The following ANGPT1 variants were observed in gnomAD, a reference collection of about 807,000 sequenced individuals.
ANGPT1 encodes the protein angiopoietin-1.
A neutral mutation model predicts 62.2 loss-of-function variants in ANGPT1; 17 were observed. The observed-to-expected ratio is 0.27, with a 90% CI of 0.19 to 0.41. The LOEUF is 0.41. Ranked by LOEUF, ANGPT1 falls within the 10% of genes least tolerant of loss-of-function variation. The pLI is 1.00. For missense variants in ANGPT1, 478 were observed against 594.9 expected, an observed-to-expected ratio of 0.80 and a Z score of 2.04; for synonymous variants, 199 against 198.9, an observed-to-expected ratio of 1.00 and a Z score of 0.00.
chr8:107,369,413 G>A lies in ANGPT1; in HGVS notation c.298-22316C>T, dbSNP rs144767316. 7.2e-5 allele frequency among the ~76,000 whole-genome samples: 11 copies of A among 152,220 alleles called. No individual in the cohort carries two copies. The East Asian group carries it at 1.7e-3, about 24-fold the overall frequency. The stretch of plus-strand genomic sequence containing the variant: ...AACTACTAAAACTTTCTTCATATTA[G>A]TAATAAGCCTATTTTGTTTTCTTAA... On this transcript the variant is annotated intron_variant, in intron 1 of 8. Coordinates refer to ENST00000517746, the MANE Select transcript of ANGPT1 (RefSeq NM_001146.5).
intron 1 of ANGPT1, among the ~76,000 whole-genome samples, chr8:107,471,256 G>A (rs186082320): frequency 2.0e-5 from 3 of 152,238 alleles, no homozygotes; most frequent in East Asian, 1.9e-4. Flanking sequence ...GGACATGGAT[G>A]AAGCTGGAAA....
At chr8:107,411,122 C>A (rs1443802617) in intron 1 of ANGPT1, among the ~76,000 whole-genome samples, 1 of 152,038 alleles carries the variant, frequency 6.6e-6, no homozygotes, top group African/African-American at 2.4e-5. Flanking sequence ...TAAGAAAATT[C>A]ACATAATTCT....
chr8:107,364,771 A>G (rs1816237900), intron 1 of ANGPT1, among the ~76,000 whole-genome samples: 1 of 152,242 alleles, frequency 6.6e-6, no homozygotes, highest in South Asian at 2.1e-4. Flanking sequence ...AAAACTTCAA[A>G]GGGAATTTTC....
chr8:107,381,956 A>G (rs1816646129), intron 1 of ANGPT1, among the ~76,000 whole-genome samples: 1 of 152,144 alleles, frequency 6.6e-6, no homozygotes, highest in Admixed American at 6.5e-5. Context: ...AACATTTTGT[A>G]AGACATAGAG....
rs1437482848 is a variant in ANGPT1 at position 107,303,528 on chromosome 8, T to C, written c.809-161A>G. Among the ~76,000 whole-genome samples, 5 of 151,050 alleles carry C rather than the reference T, an allele frequency of 3.3e-5. No homozygotes were observed. The East Asian group carries it at 9.7e-4, about 29-fold the overall frequency. ...ATAAAGACAATACTAGATTTTGAGG[T>C]AGCTTACAAAATTAAAAAAAAAAAA... On this transcript the variant is annotated intron_variant, in intron 4 of 8. Coordinates refer to ENST00000517746, the MANE Select transcript of ANGPT1 (RefSeq NM_001146.5).
At chr8:107,418,872 G>A (rs752962404) in intron 1 of ANGPT1, among the ~76,000 whole-genome samples, 1 of 152,136 alleles carries the variant, frequency 6.6e-6, no homozygotes, top group Non-Finnish European at 1.5e-5. Flanking sequence ...TTGCAAAACT[G>A]TCTAGGATAA....
intron 1 of ANGPT1, among the ~76,000 whole-genome samples, chr8:107,487,044 A>C (rs765116318): frequency 2.4e-4 from 37 of 152,078 alleles, no homozygotes; most frequent in Non-Finnish European, 4.6e-4. Flanking sequence ...GACAAAACTC[A>C]TGCCATCCCT....
At position 107,481,894 on chromosome 8, in the gene ANGPT1, C is replaced by A. The variant is rs150001685; in HGVS notation, c.297+15368G>T. Among the ~76,000 whole-genome samples, 19 of 152,330 alleles carry A rather than the reference C, an allele frequency of 1.2e-4. No individual in the cohort carries two copies. In the East Asian group the frequency reaches 3.3e-3, roughly 26 times the overall value. ...TAATCGAATTCACCTCCTATGAGGT[C>A]TCTCCCACAACACGTGGGGATTATA... On this transcript the variant is annotated intron_variant, in intron 1 of 8. Coordinates refer to ENST00000517746, the MANE Select transcript of ANGPT1 (RefSeq NM_001146.5).
chr8:107,485,511 C>T (rs1812792415), intron 1 of ANGPT1, among the ~76,000 whole-genome samples: 1 of 152,072 alleles, frequency 6.6e-6, no homozygotes, highest in African/African-American at 2.4e-5. Context: ...GCCAGGCCTC[C>T]AAGATCAGAC....
At chr8:107,274,295 C>T (rs920304806) in intron 7 of ANGPT1, among the ~76,000 whole-genome samples, 4 of 151,994 alleles carry the variant, frequency 2.6e-5, no homozygotes, top group Non-Finnish European at 2.9e-5. Context: ...AATAGTAACA[C>T]GGTAAGTGTA....
intron 1 of ANGPT1, among the ~76,000 whole-genome samples, chr8:107,444,940 C>T (rs774543355): frequency 1.3e-5 from 2 of 152,182 alleles, no homozygotes; most frequent in South Asian, 4.1e-4. Flanking sequence ...AGGAGATTTA[C>T]ATCAAATTAA....
At position 107,318,747 on chromosome 8, in the gene ANGPT1, A is replaced by AT. The variant is rs147914993; in HGVS notation, c.808+3148dup. Among the ~76,000 whole-genome samples the AT allele has an allele frequency of 6.2e-3, 945 of 152,202 alleles. 15 individuals are homozygous for AT. Among genetic ancestry groups the AT allele is most frequent in the African/African-American group, 0.021 (892 of 41,512 alleles). On this transcript the variant is annotated intron_variant, in intron 4 of 8. Transcript: ENST00000517746. ...GTATATATTTTTGGAGTAAAACGTG[A>AT]TGTTTTGGTACATGTATACACTGCA... is the stretch of plus-strand genomic sequence containing the variant.
chr8:107,389,977 C>G (rs553473856), intron 1 of ANGPT1, among the ~76,000 whole-genome samples: 1 of 149,414 alleles, frequency 6.7e-6, no homozygotes, highest in Admixed American at 6.7e-5. Flanking sequence ...TCTTTGAGAG[C>G]ACAAAATTGG....
At chr8:107,420,381 T>A (rs1369419713) in intron 1 of ANGPT1, among the ~76,000 whole-genome samples, 1 of 152,164 alleles carries the variant, frequency 6.6e-6, no homozygotes, top group African/African-American at 2.4e-5. Context: ...AGCCTATCAG[T>A]TCTTAGGAAA....
chr8:107,333,972 A>AGAAAGGAG (rs1554583514), intron 3 of ANGPT1, among the ~76,000 whole-genome samples: 11 of 89,786 alleles, frequency 1.2e-4, no homozygotes, highest in Non-Finnish European at 1.5e-4. Context: ...AAAGAAAGAA[A>AGAAAGGAG]GGAGGGAGGG....
chr8:107,378,523 T>C (rs2130264951), intron 1 of ANGPT1, among the ~76,000 whole-genome samples: 1 of 152,312 alleles, frequency 6.6e-6, no homozygotes, highest in African/African-American at 2.4e-5. Context: ...TACCTAACTA[T>C]ACTCTATGTA....
At chr8:107,353,938 A>G (rs1459648201) in intron 1 of ANGPT1, among the ~76,000 whole-genome samples, 1 of 152,070 alleles carries the variant, frequency 6.6e-6, no homozygotes, top group Non-Finnish European at 1.5e-5. Context: ...GATGTTTGTT[A>G]CTCAGCCTCC....
intron 4 of ANGPT1, among the ~76,000 whole-genome samples, chr8:107,314,699 C>T (rs1814972578): frequency 1.3e-5 from 2 of 152,156 alleles, no homozygotes. Flanking sequence ...GAAACAAGTA[C>T]TCACTGCAGT....
intron 7 of ANGPT1, among the ~76,000 whole-genome samples, chr8:107,271,312 A>T (rs1445145594): frequency 6.6e-6 from 1 of 152,124 alleles, no homozygotes; most frequent in Admixed American, 6.6e-5. Flanking sequence ...GAAAGCCCTT[A>T]AAAAGACTGC....
Sources: allele counts gnomAD v4.1 joint callset (sites outside exome capture counted in the v4.1 genomes callset), GRCh38; gene constraint gnomAD v4.1.1; transcripts MANE v1.5; gene names NCBI Gene and HGNC (gene_info 2026-07-23, HGNC 2026-07-21).